Variants in STK3 observed in about 807,000 individuals in gnomAD.
STK3 encodes the protein serine/threonine kinase 3.
Under a neutral mutation model 58.0 loss-of-function variants are expected in STK3, and 41 were observed. The observed-to-expected ratio is 0.71, with a 90% confidence interval of 0.55 to 0.92. The LOEUF is 0.92. Ranked by LOEUF, STK3 falls within the 40% of genes least tolerant of loss-of-function variation. The pLI is 0.00. For synonymous variants in STK3, 170 were observed against 191.0 expected, an observed-to-expected ratio of 0.89 and a Z score of 0.91; for missense variants, 479 against 602.7, an observed-to-expected ratio of 0.79 and a Z score of 2.15.
At chr8:98,569,646 G>T (rs1340197003) in intron 8 of STK3, among the ~76,000 whole-genome samples, 3 of 151,950 alleles carry the variant, frequency 2.0e-5, no homozygotes, top group Non-Finnish European at 4.4e-5. Flanking sequence ...TATTGGTTCT[G>T]AAAATCACAA....
intron 10 of STK3, among the ~76,000 whole-genome samples, chr8:98,463,945 CATGTTA>C (rs1380516117): frequency 6.6e-6 from 1 of 152,124 alleles, no homozygotes; most frequent in Admixed American, 6.6e-5. Context: ...AATGGTCTTA[CATGTTA>C]ATGTTAACAC....
At chr8:98,898,358 C>A (rs1838535240) in intron 1 of STK3, among the ~76,000 whole-genome samples, 1 of 152,210 alleles carries the variant, frequency 6.6e-6, no homozygotes, top group Non-Finnish European at 1.5e-5. Context: ...TCCTGCATAC[C>A]TGGCTTCCCA....
chr8:98,487,710 A>C (rs1352011343), intron 10 of STK3, among the ~76,000 whole-genome samples: 1 of 152,230 alleles, frequency 6.6e-6, no homozygotes, highest in Non-Finnish European at 1.5e-5. Context: ...TACACAGAAC[A>C]AATAGAATCC....
rs1411326818 is a variant in STK3, at chr8:98,423,768, C to T, written n.483+10359G>A. Among the ~76,000 whole-genome samples, 6 of 152,310 alleles carry T rather than the reference C, an allele frequency of 3.9e-5. No individual in the cohort carries two copies. In the South Asian group the frequency reaches 1.0e-3, roughly 26 times the overall value. ...CCTCAGCCAAGCTGCCAGTGCAGCC[C>T]CCTCGCCTGTCAGGGGGAGAAAAGC... On this transcript the variant is annotated intron_variant and non_coding_transcript_variant, in intron 3 of 3. Coordinates refer to the STK3 transcript ENST00000517832.
In STK3 at chr8:98,597,352, ATCT is replaced by A. The variant is rs1815918464; in HGVS notation, c.685-1186_685-1184del. ...AGTCAATCTTTTTACCAGTATATGC[ATCT>A]TCTTTCAAAAAACGTAAATTCTTTA... On this transcript the variant is annotated intron_variant, in intron 6 of 10. Transcript: ENST00000419617. The A allele has an allele frequency of 3.0e-6, 3 of 985,206 alleles. No individual in the cohort carries two copies. In the African/African-American group the frequency reaches 5.2e-5, roughly 17 times the overall value. 61.0% of individuals were successfully genotyped at this position (985,206 alleles called of 1,614,324 possible). A position where few individuals can be genotyped will look rare whatever the true frequency, so the allele number is the denominator to read the frequency against.
the STK3 span, among the ~76,000 whole-genome samples, chr8:98,349,569 C>T: frequency 1.3e-5 from 2 of 152,242 alleles, no homozygotes; most frequent in Admixed American, 6.5e-5. Flanking sequence ...CTCCACATTT[C>T]CTTTCTGCAC....
At chr8:98,883,178 C>G (rs1837861599), downstream of STK3, 1 of 153,438 alleles carries the variant, frequency 6.5e-6, no homozygotes, top group Non-Finnish European at 1.5e-5. Context: ...TCCAGGCACG[C>G]TTACGCAAAA....
At chr8:98,354,415 G>A in the STK3 span, among the ~76,000 whole-genome samples, 1 of 152,144 alleles carries the variant, frequency 6.6e-6, no homozygotes, top group Admixed American at 6.5e-5. Flanking sequence ...ACAAGAATAT[G>A]GTGGACTCCT....
At chr8:98,700,878 C>G (rs1825541834) in intron 6 of STK3, among the ~76,000 whole-genome samples, 2 of 152,140 alleles carry the variant, frequency 1.3e-5, no homozygotes, top group African/African-American at 4.8e-5. Flanking sequence ...CAGGTTACGC[C>G]TGTACTCCCA....
intron 3 of STK3, among the ~76,000 whole-genome samples, chr8:98,841,030 C>T (rs1345402603): frequency 2.6e-5 from 4 of 152,210 alleles, no homozygotes; most frequent in African/African-American, 9.7e-5. Context: ...CCCTCAGGTC[C>T]CAGCCATGTG....
In STK3 at chr8:98,622,002, G is replaced by A. The variant is rs191087577; in HGVS notation, c.685-25833C>T. ...TCAGACATTGGGCACGGTGGCTAAC[G>A]CCTGTAATCCCAGTACTTTGGGAGG... On this transcript the variant is annotated intron_variant, in intron 6 of 10. Coordinates refer to ENST00000419617, the MANE Select transcript of STK3 (RefSeq NM_006281.4). Among the ~76,000 whole-genome samples, 9 of 150,840 alleles carry A rather than the reference G, an allele frequency of 6.0e-5. No individual in the cohort carries two copies. The East Asian group carries it at 1.8e-3, about 29-fold the overall frequency.
chr8:98,900,640 T>C (rs1214682133), intron 1 of STK3, among the ~76,000 whole-genome samples: 1 of 151,992 alleles, frequency 6.6e-6, no homozygotes, highest in Non-Finnish European at 1.5e-5. Context: ...TTTTAAAGAT[T>C]GTTATAGTTT....
At chr8:98,538,961 G>A (rs1810005061) in intron 9 of STK3, among the ~76,000 whole-genome samples, 1 of 152,162 alleles carries the variant, frequency 6.6e-6, no homozygotes, top group African/African-American at 2.4e-5. Flanking sequence ...GAAATATGAT[G>A]GGTATTTGCA....
In STK3 at chr8:98,428,820, G is replaced by A; in HGVS notation, n.483+5307C>T. On this transcript the variant is annotated intron_variant and non_coding_transcript_variant, in intron 3 of 3. Transcript: ENST00000517832. This position sits in a 1 kb window ranked among gnomAD's most constrained non-coding sequence, Gnocchi z 6.7. The stretch of plus-strand genomic sequence containing the variant: ...CATCACTCTGGTGGTGAACCTGGTG[G>A]TGGAGAGCACACCTACTTTAGCCAA... 3 of 1,614,186 alleles carry A rather than the reference G, an allele frequency of 1.9e-6. No homozygotes were observed. Among genetic ancestry groups the A allele is most frequent in the Non-Finnish European group, 2.5e-6 (3 of 1,180,032 alleles).
chr8:98,918,671 G>C (rs570439566), intron 1 of STK3, among the ~76,000 whole-genome samples: 2 of 152,198 alleles, frequency 1.3e-5, no homozygotes, highest in African/African-American at 4.8e-5. Flanking sequence ...AGAAGGCTGA[G>C]GCAAGAGGAT....
intron 1 of STK3, among the ~76,000 whole-genome samples, chr8:98,899,762 C>G (rs373318368): frequency 1.3e-5 from 2 of 152,188 alleles, no homozygotes; most frequent in African/African-American, 4.8e-5. Flanking sequence ...ATTATTGGGT[C>G]TCTGAGATAG....
intron 4 of STK3, among the ~76,000 whole-genome samples, chr8:98,719,329 T>C (rs1827240402): frequency 6.6e-6 from 1 of 152,238 alleles, no homozygotes. Flanking sequence ...TAGACTTCAA[T>C]TTTTATCTCT....
intron 1 of STK3, among the ~76,000 whole-genome samples, chr8:98,448,744 A>T (rs1819062959): frequency 6.6e-6 from 1 of 152,218 alleles, no homozygotes; most frequent in African/African-American, 2.4e-5. Flanking sequence ...CTCTCATAAA[A>T]TGACATAGAC....
chr8:98,913,516 C>T (rs2131987011), intron 1 of STK3, among the ~76,000 whole-genome samples: 1 of 152,360 alleles, frequency 6.6e-6, no homozygotes, highest in East Asian at 1.9e-4. Flanking sequence ...GTTGGTTCAA[C>T]ACACACACTT....
Sources: allele counts gnomAD v4.1 joint callset (sites outside exome capture counted in the v4.1 genomes callset), GRCh38; gene constraint gnomAD v4.1.1; non-coding constraint Gnocchi (gnomAD v3.1); transcripts MANE v1.5; gene names NCBI Gene and HGNC (gene_info 2026-07-23, HGNC 2026-07-21).